EOMES: variants seen among roughly 807,000 people sequenced by gnomAD.
EOMES encodes the protein eomesodermin, also known as eomesodermin homolog.
EOMES carries 18 observed loss-of-function variants against 61.0 expected under a neutral mutation model. The observed-to-expected ratio is 0.30, with a 90% CI of 0.20 to 0.44. The LOEUF (loss-of-function observed/expected upper bound fraction) is 0.44. EOMES is among the 20% of genes least tolerant of loss of function. EOMES has a pLI of 1.00. For missense variants in EOMES, 885 were observed against 939.2 expected (o/e 0.94, Z 0.75); for synonymous variants, 430 against 394.0 (o/e 1.09, Z -1.08).
chr3:27,720,958 T>C (rs1559927830), intron 1 of EOMES, among the ~76,000 whole-genome samples: 1 of 152,042 alleles, frequency 6.6e-6, no homozygotes, highest in Non-Finnish European at 1.5e-5. Flanking sequence ...CATGCCCACC[T>C]CCCGGAGACG....
chr3:27,721,833 C>G lies in EOMES; in HGVS notation c.462G>C (p.Ser154=), dbSNP rs1196590974. ...AGAGTGAGCAGGGCGCAGCCAGCTCCGACCCCTGAGGACCGGGGGACTGGA... is the reference window on the plus strand; with the variant it reads ...AGAGTGAGCAGGGCGCAGCCAGCTCGGACCCCTGAGGACCGGGGGACTGGA... ...YYLQSPGPQG[S]ELAAPCSLFP... is the part of the protein sequence containing the mutation. The change falls in exon 1 of 6, where the codon TCG becomes TCC. Residue 154 remains serine (S), a synonymous_variant. Coordinates refer to ENST00000449599, the MANE Select transcript of EOMES (RefSeq NM_001278182.2). The surrounding 1 kb of genome is among the most constrained non-coding windows in gnomAD (Gnocchi z 7.4). 2.8e-5 allele frequency: 43 copies of G among 1,520,070 alleles called. No individual in the cohort carries two copies. Among genetic ancestry groups the G allele is most frequent in the Middle Eastern group, 2.2e-4 (1 of 4,472 alleles). The allele number at this position is 1,520,070 out of a possible 1,614,324, so 94.2% of individuals were successfully genotyped here.
chr3:27,720,531 C>CAAAAAAAA lies in EOMES; in HGVS notation c.882-214_882-207dup, dbSNP rs757181277. ...AACTCTTGGAACCTTTCCGTCTTTT[C>CAAAAAAAA]AAAAAAAAAAAAAAAAAAAAAAAAA... On this transcript the variant is annotated intron_variant, in intron 1 of 5. Coordinates refer to ENST00000449599, the MANE Select transcript of EOMES (RefSeq NM_001278182.2). 1.3e-4 allele frequency among the ~76,000 whole-genome samples: 8 copies of CAAAAAAAA among 62,322 alleles called. 1 individual carries two copies. The highest frequency in any genetic ancestry group is 2.2e-4 in the Admixed American group (1 of 4,616). The allele number at this position is 62,322 out of a possible 152,430, so 40.9% of individuals were successfully genotyped here. A position where few individuals can be genotyped will look rare whatever the true frequency, so the allele number is the denominator to read the frequency against.
In EOMES at chr3:27,717,005, C is replaced by T. The variant is rs185679874; in HGVS notation, c.*65G>A. On this transcript the variant is annotated 3_prime_UTR_variant, in exon 6 of 6. Coordinates refer to ENST00000449599, the MANE Select transcript of EOMES (RefSeq NM_001278182.2). The surrounding 1 kb of genome is among the most constrained non-coding windows in gnomAD (Gnocchi z 4.5). ...TTTTTGGCAACCTAGGCAAAGAAGACAACAAAAAACACCACCAAGTCCATC... is the reference window on the plus strand; with the variant it reads ...TTTTTGGCAACCTAGGCAAAGAAGATAACAAAAAACACCACCAAGTCCATC... 9 of 1,316,524 alleles carry T rather than the reference C, an allele frequency of 6.8e-6. No individual in the cohort carries two copies. The East Asian group carries it at 1.2e-4, about 17-fold the overall frequency. 81.6% of individuals were successfully genotyped at this position (1,316,524 alleles called of 1,614,324 possible). A position where few individuals can be genotyped will look rare whatever the true frequency, so the allele number is the denominator to read the frequency against.
At chr3:27,720,962 G>A (rs2060607841) in intron 1 of EOMES, among the ~76,000 whole-genome samples, 1 of 152,078 alleles carries the variant, frequency 6.6e-6, no homozygotes, top group Admixed American at 6.5e-5. Flanking sequence ...CCCACCTCCC[G>A]GAGACGCCCC....
At chr3:27,720,906 C>T (rs1421988562) in intron 1 of EOMES, among the ~76,000 whole-genome samples, 2 of 152,070 alleles carry the variant, frequency 1.3e-5, no homozygotes, top group Non-Finnish European at 2.9e-5. Flanking sequence ...CAGATCTAAC[C>T]ACCTACTCCG....
chr3:27,718,786 A>G lies in EOMES; in HGVS notation c.1266T>C (p.Phe422=). The G allele has an allele frequency of 6.2e-7, 1 of 1,614,186 alleles. No homozygotes were observed. The highest frequency in any genetic ancestry group is 8.5e-7 in the Non-Finnish European group (1 of 1,180,020). ...CAATGAATTGCGTTTCTGAGAAGGT[A>G]AAAGTCTGGGTCTTTGAGGGCTCAT... The part of the protein sequence containing the change: ...DLNEPSKTQT[F]TFSETQFIAV... The change falls in exon 4 of 6, where the codon TTT becomes TTC. Residue 422 remains phenylalanine (F), a synonymous_variant. Coordinates refer to ENST00000449599, the MANE Select transcript of EOMES (RefSeq NM_001278182.2).
rs1263107239 is a variant in EOMES at position 27,722,093 on chromosome 3, G to C, written c.202C>G (p.Pro68Ala). 12 of 1,548,416 alleles carry C rather than the reference G, an allele frequency of 7.7e-6. No homozygotes were observed. Among genetic ancestry groups the C allele is most frequent in the Non-Finnish European group, 1.0e-5 (12 of 1,146,308 alleles). Residue 68 changes from proline (P) to alanine (A), a missense_variant, in exon 1 of 6, where the codon CCC becomes GCC. Transcript: ENST00000449599. ...GGGGCCCCTGCGCTGGCGGCTGCGG[G>C]CTCCCCGCTCACCGCCTCGCAGGAG... ...SLSCEAVSGE[P>A]AAASAGAPAA...
chr3:27,720,311 A>G lies in EOMES; in HGVS notation c.896T>C (p.Phe299Ser). Residue 299 changes from phenylalanine to serine, a missense_variant, in exon 2 of 6, where the codon TTC (phenylalanine) becomes TCC (serine). Physicochemically the swap from Phe to Ser is radical, Grantham distance 155. This residue lies in a region of EOMES where 177 missense variants were observed against 273.3 expected (regional missense o/e 0.65). Coordinates refer to ENST00000449599, the MANE Select transcript of EOMES (RefSeq NM_001278182.2). ...GAGTCCGTTTATGTTGAAGCTCAAGAAAGGAAACATGCGCCTGTGCAAGGG... is the reference window on the plus strand; with the variant it reads ...GAGTCCGTTTATGTTGAAGCTCAAGGAAGGAAACATGCGCCTGTGCAAGGG... ...ITKQGRRMFP[F>S]LSFNINGLNP... 1 of 1,613,960 alleles carries G rather than the reference A, an allele frequency of 6.2e-7. No homozygotes were observed. Among genetic ancestry groups the G allele is most frequent in the Non-Finnish European group, 8.5e-7 (1 of 1,179,890 alleles).
chr3:27,721,914 CGCG>C lies in EOMES; in HGVS notation c.378_380del (p.Ala130del), dbSNP rs3062761. On this transcript the variant is annotated inframe_deletion, in exon 1 of 6. Transcript: ENST00000449599. This position sits in a 1 kb window ranked among gnomAD's most constrained non-coding sequence, Gnocchi z 7.4. The stretch of plus-strand genomic sequence containing the variant: ...TGGAGTAGCGCGCAGTGGCCGCAGC[CGCG>C]GCGGCGGCGGCGGCGGCGGCTGCAG... The C allele has an allele frequency of 1.7e-3, 1,874 of 1,111,558 alleles. No individual in the cohort carries two copies. The highest frequency in any genetic ancestry group is 8.9e-3 in the South Asian group (346 of 39,044). 68.9% of individuals were successfully genotyped at this position (1,111,558 alleles called of 1,614,324 possible).
At position 27,717,597 on chromosome 3, in the gene EOMES, C is replaced by T. The variant is rs374751713; in HGVS notation, c.1591G>A (p.Ala531Thr). ...ACAAGCCACCGCTGGGGAGGGTTGG[C>T]CACCTCTTCGCTCTGTTGGGGTGAA... ...LLSPQQSEEV[A>T]NPPQRWLVTP... The change falls in exon 6 of 6, where the codon GCC becomes ACC. Residue 531 changes from alanine to threonine, a missense_variant. Physicochemically the swap from Ala to Thr is moderately conservative, Grantham distance 58. Coordinates refer to ENST00000449599, the MANE Select transcript of EOMES (RefSeq NM_001278182.2). This position sits in a 1 kb window ranked among gnomAD's most constrained non-coding sequence, Gnocchi z 4.5. The T allele has an allele frequency of 9.2e-5, 149 of 1,614,020 alleles. No homozygotes were observed. Among genetic ancestry groups the T allele is most frequent in the Non-Finnish European group, 1.2e-4 (137 of 1,180,010 alleles).
Position 27,717,278 on chromosome 3 carries a change from CAAG to C in EOMES, c.1907_1909del (p.Ser636del). 6.2e-7 allele frequency: 1 copy of C among 1,613,746 alleles called. No homozygotes were observed. Among genetic ancestry groups the C allele is most frequent in the South Asian group, 1.1e-5 (1 of 91,072 alleles). On this transcript the variant is annotated inframe_deletion, in exon 6 of 6. Transcript: ENST00000449599. The surrounding 1 kb of genome is among the most constrained non-coding windows in gnomAD (Gnocchi z 4.5). ...TTTGATGGAAGGGGGTGTCTCTATC[CAAG>C]AAGAGCCAATTTCCTCTTTCACTTT...
Position 27,718,887 on chromosome 3 carries a change from C to T in EOMES, c.1165G>A (p.Val389Ile). 1.2e-6 allele frequency: 2 copies of T among 1,610,308 alleles called. No individual in the cohort carries two copies. The highest frequency in any genetic ancestry group is 8.5e-7 in the Non-Finnish European group (1 of 1,177,304). The change falls in exon 4 of 6, where the codon GTC (valine) becomes ATC (isoleucine). Residue 389 changes from valine to isoleucine, a missense_variant. Around this residue, in one of 3 missense-constraint regions of EOMES, gnomAD observed 177 missense variants for 273.3 expected, o/e 0.65. Coordinates refer to ENST00000449599, the MANE Select transcript of EOMES (RefSeq NM_001278182.2). The stretch of plus-strand genomic sequence containing the variant: ...TGGTATTTGTGTAAGGATTGTAAGA[C>T]TATCATCTGGAAAGAGTACAGAAAA... Reference protein sequence around the residue: ...GANNNNTQMIVLQSLHKYQPR... With the variant: ...GANNNNTQMIILQSLHKYQPR...
chr3:27,722,479 G>C, upstream of EOMES: 1 of 1,350,254 alleles, frequency 7.4e-7, no homozygotes. Context: ...CCTGAATCCA[G>C]CGTCCTTTCC....
Position 27,717,846 on chromosome 3 carries a change from ACC to A in EOMES, c.1380-40_1380-39del. ...GAGAAACACTTAAAAAAAAAAAAAA[ACC>A]CTAATGTTGTCCCCAAACAAACCAC... On this transcript the variant is annotated intron_variant, in intron 5 of 5. Transcript: ENST00000449599. This position sits in a 1 kb window ranked among gnomAD's most constrained non-coding sequence, Gnocchi z 4.5. 3 of 1,229,954 alleles carry A rather than the reference ACC, an allele frequency of 2.4e-6. No individual in the cohort carries two copies. Among genetic ancestry groups the A allele is most frequent in the Non-Finnish European group, 3.2e-6 (3 of 928,968 alleles). 76.2% of individuals were successfully genotyped at this position (1,229,954 alleles called of 1,614,324 possible). A position where few individuals can be genotyped will look rare whatever the true frequency, so the allele number is the denominator to read the frequency against.
chr3:27,721,623 C>T lies in EOMES; in HGVS notation c.672G>A (p.Gly224=), dbSNP rs1476578605. 30 of 1,543,158 alleles carry T rather than the reference C, an allele frequency of 1.9e-5. No homozygotes were observed. The highest frequency in any genetic ancestry group is 2.5e-5 in the Non-Finnish European group (29 of 1,147,872). ...AGSGAGGSSG[G]GGGPGTYQYS... is the part of the protein sequence containing the mutation. Reference sequence around the variant, plus strand: ...ACTGATAGGTGCCCGGGCCGCCGCCCCCGCCGCTGCTACCGCCCGCGCCAC... The same window carrying T: ...ACTGATAGGTGCCCGGGCCGCCGCCTCCGCCGCTGCTACCGCCCGCGCCAC... Residue 224 remains glycine (G), a synonymous_variant, in exon 1 of 6, where the codon GGG becomes GGA. Transcript: ENST00000449599. The surrounding 1 kb of genome is among the most constrained non-coding windows in gnomAD (Gnocchi z 7.4).
At chr3:27,719,823 G>A (rs902329096) in intron 2 of EOMES, among the ~76,000 whole-genome samples, 5 of 152,114 alleles carry the variant, frequency 3.3e-5, no homozygotes, top group African/African-American at 9.7e-5. Context: ...GATATTTATG[G>A]GTGAACTAAA....
At chr3:27,719,045 T>C (rs1256886449) in intron 3 of EOMES, 152 bp from the exon 4 acceptor site, 2 of 667,686 alleles carry the variant, frequency 3.0e-6, no homozygotes, top group Non-Finnish European at 5.0e-6. Flanking sequence ...GGTCTCATTA[T>C]TGCCCCCCCC....
Position 27,722,312 on chromosome 3 carries a change from C to A in EOMES, c.-18G>T. 1.3e-6 allele frequency: 2 copies of A among 1,524,968 alleles called. No individual in the cohort carries two copies. Among genetic ancestry groups the A allele is most frequent in the Non-Finnish European group, 8.7e-7 (1 of 1,143,350 alleles). 94.5% of individuals were successfully genotyped at this position (1,524,968 alleles called of 1,614,324 possible). On this transcript the variant is annotated 5_prime_UTR_variant, in exon 1 of 6. Transcript: ENST00000449599. ...AACTGCATGCTTTGCAAAGCGCAGA[C>A]GGCAGCTGGCTGCTTCCTCTCCTCC... is the stretch of plus-strand genomic sequence containing the variant.
Position 27,717,212 on chromosome 3 carries a change from C to A in EOMES, c.1976G>T (p.Cys659Phe). The change falls in exon 6 of 6, where the codon TGT becomes TTT. Residue 659 changes from cysteine (C) to phenylalanine (F), a missense_variant. By Grantham distance (205) the Cys-to-Phe change is radical (BLOSUM62 -2). Coordinates refer to ENST00000449599, the MANE Select transcript of EOMES (RefSeq NM_001278182.2). The surrounding 1 kb of genome is among the most constrained non-coding windows in gnomAD (Gnocchi z 4.5). Reference protein sequence around the residue: ...SNDSGVYTSACKRRRLSPSNS... With the variant: ...SNDSGVYTSAFKRRRLSPSNS... ...GCTAGGAGACAGCCGCCTTCGCTTA[C>A]AAGCACTGGTGTATACTCCTGAATC... 3 of 1,613,354 alleles carry A rather than the reference C, an allele frequency of 1.9e-6. No individual in the cohort carries two copies. The South Asian group carries it at 3.3e-5, about 18-fold the overall frequency.
Sources: gnomAD v4.1 joint callset for allele counts (sites outside exome capture counted in the v4.1 genomes callset) on GRCh38, gnomAD v4.1.1 for gene constraint, gnomAD v4.1.1 regional missense constraint, Gnocchi (gnomAD v3.1) non-coding constraint, MANE v1.5 for transcripts, NCBI Gene and HGNC (gene_info 2026-07-23, HGNC 2026-07-21) for gene names.